PTPRN2: variants seen among roughly 807,000 people sequenced by gnomAD.
The protein encoded by PTPRN2 is protein tyrosine phosphatase receptor type N2.
In PTPRN2, 74 loss-of-function variants were observed where a neutral mutation model predicts 118.8. That is an observed-to-expected ratio of 0.62 (90% confidence interval 0.52 to 0.76). The LOEUF (loss-of-function observed/expected upper bound fraction) is 0.76, where lower values mean the gene tolerates loss of function less well. PTPRN2 is among the 30% of genes least tolerant of loss of function. The probability of loss-of-function intolerance (pLI) is 0.00; values close to 1 mark genes in which losing one functional copy is unlikely to be tolerated. For synonymous variants in PTPRN2, 641 were observed against 608.0 expected (o/e 1.05, Z -0.80); for missense variants, 1,481 against 1,394.4 (o/e 1.06, Z -0.99).
At chr7:158,340,748 G>A (rs1180077999) in intron 2 of PTPRN2, among the ~76,000 whole-genome samples, 8 of 81,804 alleles carry the variant, frequency 9.8e-5, no homozygotes, top group African/African-American at 4.0e-4. Flanking sequence ...GACACATGCA[G>A]ACGTCACACA....
chr7:158,061,159 G>A (rs533531468), intron 11 of PTPRN2, among the ~76,000 whole-genome samples: 29 of 152,232 alleles, frequency 1.9e-4, no homozygotes, highest in Non-Finnish European at 3.4e-4. Flanking sequence ...GCCGTCGGGC[G>A]GTGACTGATT....
At chr7:158,304,955 C>T (rs988213147) in intron 3 of PTPRN2, among the ~76,000 whole-genome samples, 6 of 152,194 alleles carry the variant, frequency 3.9e-5, no homozygotes, top group Middle Eastern at 3.2e-3. Context: ...TTAAATATAT[C>T]GCAGAAATAT....
chr7:158,142,762 C>G (rs1212103926), intron 6 of PTPRN2, among the ~76,000 whole-genome samples: 1 of 152,202 alleles, frequency 6.6e-6, no homozygotes, highest in East Asian at 1.9e-4. Flanking sequence ...TGCCTAAAAC[C>G]GCAGCAAAGC....
At chr7:158,112,907 C>T (rs778796274) in intron 9 of PTPRN2, among the ~76,000 whole-genome samples, 4 of 152,206 alleles carry the variant, frequency 2.6e-5, no homozygotes, top group Admixed American at 6.5e-5. Context: ...ATGCCGAGAC[C>T]GGGGAGCTGT....
chr7:157,760,952 C>T (rs543359765), intron 12 of PTPRN2, among the ~76,000 whole-genome samples: 1 of 152,192 alleles, frequency 6.6e-6, no homozygotes, highest in Non-Finnish European at 1.5e-5. Context: ...TATACACCAA[C>T]AACAGACAAA....
intron 9 of PTPRN2, among the ~76,000 whole-genome samples, chr7:158,122,734 A>G (rs1258762451): frequency 6.6e-6 from 1 of 152,190 alleles, no homozygotes; most frequent in African/African-American, 2.4e-5. Flanking sequence ...AAATTACACT[A>G]CTAGGAAACT....
intron 2 of PTPRN2, among the ~76,000 whole-genome samples, chr7:158,380,780 C>T (rs566672352): frequency 1.7e-4 from 26 of 152,250 alleles, no homozygotes; most frequent in Admixed American, 5.9e-4. Flanking sequence ...AGGGCCCCAC[C>T]CCTGGAGCCA....
chr7:158,463,449 T>A (rs1319983509), intron 2 of PTPRN2, among the ~76,000 whole-genome samples: 2 of 151,942 alleles, frequency 1.3e-5, no homozygotes, highest in Non-Finnish European at 2.9e-5. Context: ...ATCACCATCA[T>A]GTTGTCATTA....
intron 11 of PTPRN2, among the ~76,000 whole-genome samples, chr7:157,962,062 TC>T (rs1310485188): frequency 1.3e-5 from 2 of 152,156 alleles, no homozygotes; most frequent in Non-Finnish European, 2.9e-5. Context: ...AGCGGCGCAG[TC>T]CCTACTCTGG....
intron 6 of PTPRN2, among the ~76,000 whole-genome samples, chr7:158,149,376 C>A (rs1179594341): frequency 6.6e-6 from 1 of 151,956 alleles, no homozygotes; most frequent in Non-Finnish European, 1.5e-5. Flanking sequence ...TAAATCTAAC[C>A]AGTGTCTTTT....
At chr7:158,500,748 C>T (rs1822300914) in intron 1 of PTPRN2, among the ~76,000 whole-genome samples, 1 of 152,256 alleles carries the variant, frequency 6.6e-6, no homozygotes, top group African/African-American at 2.4e-5. Context: ...GTGACCAGGG[C>T]TGTTAAACGC....
chr7:158,488,878 C>A (rs1821227011), intron 2 of PTPRN2, among the ~76,000 whole-genome samples: 1 of 152,228 alleles, frequency 6.6e-6, no homozygotes, highest in South Asian at 2.1e-4. Flanking sequence ...GCGGCTCCGC[C>A]CAGCGCTTTT....
intron 1 of PTPRN2, among the ~76,000 whole-genome samples, chr7:158,528,742 C>T (rs1824985414): frequency 6.7e-6 from 1 of 149,826 alleles, no homozygotes; most frequent in Admixed American, 6.7e-5. Flanking sequence ...TCCAGTAAGC[C>T]GAGATCACAC....
intron 14 of PTPRN2, 28 bp from the exon 15 acceptor site, chr7:157,621,537 G>GC (rs1563273681): frequency 1.9e-6 from 3 of 1,608,158 alleles, no homozygotes. Context: ...GGTCAGGAGC[G>GC]CACCTAGGTG....
intron 11 of PTPRN2, among the ~76,000 whole-genome samples, chr7:157,946,766 T>C (rs1362565713): frequency 1.3e-5 from 2 of 152,200 alleles, no homozygotes; most frequent in African/African-American, 2.4e-5. Context: ...AGTAATTTAT[T>C]TGGAGGATGA....
chr7:158,305,688 C>T (rs1801232224), intron 3 of PTPRN2, among the ~76,000 whole-genome samples: 1 of 151,932 alleles, frequency 6.6e-6, no homozygotes, highest in Admixed American at 6.6e-5. Flanking sequence ...TAAACATTCC[C>T]TCCTTCATAA....
intron 12 of PTPRN2, among the ~76,000 whole-genome samples, chr7:157,781,657 C>A (rs566711743): frequency 3.9e-5 from 6 of 152,232 alleles, no homozygotes; most frequent in Admixed American, 6.5e-5. Context: ...AGCTTCCTGA[C>A]TGAGGACAAG....
intron 17 of PTPRN2, 87 bp from the exon 18 acceptor site, chr7:157,578,227 A>C (rs539068931): frequency 7.1e-7 from 1 of 1,411,820 alleles, no homozygotes; most frequent in Admixed American, 2.1e-5. Flanking sequence ...AGCACAGTCC[A>C]AATTTATTCC....
chr7:158,212,842 C>T (rs1471024609), intron 3 of PTPRN2, among the ~76,000 whole-genome samples: 1 of 152,116 alleles, frequency 6.6e-6, no homozygotes, highest in Admixed American at 6.5e-5. Context: ...AAGCAATTAT[C>T]ATGGGGCTTA....
Sources: allele counts gnomAD v4.1 joint callset (sites outside exome capture counted in the v4.1 genomes callset), GRCh38; gene constraint gnomAD v4.1.1; transcripts MANE v1.5; gene names NCBI Gene and HGNC (gene_info 2026-07-23, HGNC 2026-07-21).